Variants in RAB8A observed in about 807,000 individuals in gnomAD.
The protein encoded by RAB8A is ras-related protein Rab-8A.
RAB8A carries 5 observed loss-of-function variants against 29.2 expected under a neutral mutation model. That is an observed-to-expected ratio of 0.17 (90% CI 0.09 to 0.36). The LOEUF is 0.36. Ranked by LOEUF, RAB8A falls within the 10% of genes least tolerant of loss-of-function variation. RAB8A has a pLI of 1.00. For synonymous variants in RAB8A, 108 were observed against 99.9 expected (o/e 1.08, Z -0.49); for missense variants, 171 against 272.2 (o/e 0.63, Z 2.62).
At position 16,132,601 on chromosome 19, in the gene RAB8A, G is replaced by A. The variant is rs991396358; in HGVS notation, c.*297G>A. 2 of 385,664 alleles carry A rather than the reference G, an allele frequency of 5.2e-6. No individual in the cohort carries two copies. The highest frequency in any genetic ancestry group is 2.1e-5 in the African/African-American group (1 of 47,616). 23.9% of individuals were successfully genotyped at this position (385,664 alleles called of 1,614,324 possible). A position where few individuals can be genotyped will look rare whatever the true frequency, so the allele number is the denominator to read the frequency against. On this transcript the variant is annotated 3_prime_UTR_variant, in exon 8 of 8. Coordinates refer to ENST00000300935, the MANE Select transcript of RAB8A (RefSeq NM_005370.5). This position sits in a 1 kb window ranked among gnomAD's most constrained non-coding sequence, Gnocchi z 5.6. The stretch of plus-strand genomic sequence containing the variant: ...GAGAGGGAGTCAAGGTGTGACCGTC[G>A]ACCACAGCCAGTGTCAGGCCTCTGC...
At position 16,121,796 on chromosome 19, in the gene RAB8A, T is replaced by G; in HGVS notation, c.232T>G (p.Tyr78Asp). The G allele has an allele frequency of 1.2e-6, 2 of 1,614,026 alleles. No homozygotes were observed. Among genetic ancestry groups the G allele is most frequent in the Non-Finnish European group, 8.5e-7 (1 of 1,179,866 alleles). ...ERFRTITTAY[Y>D]RGAMGIMLVY... ...GTTTCGGACGATCACAACGGCCTAC[T>G]ACAGGGGTGCAATGGTAGGGACTTT... Residue 78 changes from tyrosine to aspartate, a missense_variant, in exon 3 of 8, where the codon TAC becomes GAC. Physicochemically the swap from Tyr to Asp is radical, Grantham distance 160 (BLOSUM62 -3). Coordinates refer to ENST00000300935, the MANE Select transcript of RAB8A (RefSeq NM_005370.5).
chr19:16,129,397 C>T (rs753738262), intron 6 of RAB8A, among the ~76,000 whole-genome samples, 157 bp from the exon 7 acceptor site: 2 of 152,152 alleles, frequency 1.3e-5, no homozygotes, highest in Admixed American at 6.5e-5. Flanking sequence ...GAGCTGGGGC[C>T]GGACAGGCCA....
rs372528901 is a variant in RAB8A, at chr19:16,132,724, C to T, written c.*420C>T. The T allele has an allele frequency of 1.6e-3, 279 of 172,198 alleles. No homozygotes were observed. Among genetic ancestry groups the T allele is most frequent in the African/African-American group, 6.0e-3 (251 of 41,832 alleles). The allele number at this position is 172,198 out of a possible 1,614,324, so 10.7% of individuals were successfully genotyped here. ...CGGAAGCGAGGTCCCAGAAGGCCAG[C>T]GGTGGTTCCAGGAGCAACAGCTCCC... On this transcript the variant is annotated 3_prime_UTR_variant, in exon 8 of 8. Transcript: ENST00000300935. The surrounding 1 kb of genome is among the most constrained non-coding windows in gnomAD (Gnocchi z 5.6).
chr19:16,116,459 T>G (rs1231356162), intron 1 of RAB8A, among the ~76,000 whole-genome samples: 1 of 152,212 alleles, frequency 6.6e-6, no homozygotes, highest in African/African-American at 2.4e-5. Context: ...ATTCAGTGGC[T>G]TTGGGTACAT....
intron 6 of RAB8A, 73 bp downstream of exon 6, chr19:16,128,164 G>T: frequency 6.6e-7 from 1 of 1,512,338 alleles, no homozygotes; most frequent in Admixed American, 1.8e-5. Context: ...GGGAGCTGGC[G>T]TCCTCCGAGG....
At chr19:16,130,663 AT>A (rs199515060) in intron 7 of RAB8A, among the ~76,000 whole-genome samples, 12 of 149,240 alleles carry the variant, frequency 8.0e-5, no homozygotes, top group South Asian at 2.1e-4. Flanking sequence ...TAAAAAAGAG[AT>A]TTTTTTTTTA....
rs1047326314 is a variant in RAB8A, at chr19:16,129,434, T to A, written c.481-120T>A. On this transcript the variant is annotated intron_variant, in intron 6 of 7. Transcript: ENST00000300935. Reference sequence around the variant, plus strand: ...ATGAACCCACTGCCAGAGGCGGGCATCAAAGGGCCAAATGGGAGGCCCACG... The same window carrying A: ...ATGAACCCACTGCCAGAGGCGGGCAACAAAGGGCCAAATGGGAGGCCCACG... The A allele has an allele frequency of 2.3e-5, 21 of 931,026 alleles. No homozygotes were observed. In the African/African-American group the frequency reaches 3.4e-4, roughly 15 times the overall value. 57.7% of individuals were successfully genotyped at this position (931,026 alleles called of 1,614,324 possible).
At chr19:16,119,807 T>C (rs912832609) in intron 2 of RAB8A, among the ~76,000 whole-genome samples, 3 of 152,148 alleles carry the variant, frequency 2.0e-5, no homozygotes, top group Non-Finnish European at 4.4e-5. Context: ...TGACTGGTTT[T>C]TTTTTTTGTT....
intron 2 of RAB8A, among the ~76,000 whole-genome samples, chr19:16,119,416 G>T (rs746104495): frequency 6.6e-6 from 1 of 152,046 alleles, no homozygotes; most frequent in Non-Finnish European, 1.5e-5. Context: ...TGTTGGTCAG[G>T]CTGGTCTCCA....
intron 1 of RAB8A, chr19:16,112,435 A>G (rs1402161159): frequency 4.9e-6 from 1 of 202,238 alleles, no homozygotes; most frequent in African/African-American, 2.4e-5. Flanking sequence ...CTTAATGAGC[A>G]TTTACTATGT....
At chr19:16,112,984 C>T (rs2090830957) in intron 1 of RAB8A, among the ~76,000 whole-genome samples, 1 of 152,206 alleles carries the variant, frequency 6.6e-6, no homozygotes, top group Admixed American at 6.5e-5. Flanking sequence ...CACAGACAGC[C>T]TTGACTTCCC....
chr19:16,132,271 G>A lies in RAB8A; in HGVS notation c.591G>A (p.Lys197=). 1.2e-6 allele frequency: 2 copies of A among 1,614,100 alleles called. No homozygotes were observed. Residue 197 remains lysine, a synonymous_variant, in exon 8 of 8, where the codon AAG becomes AAA. Coordinates refer to ENST00000300935, the MANE Select transcript of RAB8A (RefSeq NM_005370.5). The surrounding 1 kb of genome is among the most constrained non-coding windows in gnomAD (Gnocchi z 5.6). The stretch of plus-strand genomic sequence containing the variant: ...TCAAAATCACACCGGACCAGCAGAA[G>A]AGGAGCAGCTTTTTCCGATGTGTTC... ...QGVKITPDQQ[K]RSSFFRCVLL
intron 3 of RAB8A, among the ~76,000 whole-genome samples, chr19:16,123,475 C>T (rs1312821660): frequency 8.5e-5 from 13 of 152,100 alleles, no homozygotes; most frequent in African/African-American, 2.9e-4. Context: ...GGCGTGGTGG[C>T]GGATGCCTGT....
At position 16,127,788 on chromosome 19, in the gene RAB8A, G is replaced by A; in HGVS notation, c.415-238G>A. ...GGAACAGAGCCATAGTTTGATCCCA[G>A]CAGGTCCCCGCCACCCTCCCATCTC... On this transcript the variant is annotated intron_variant, in intron 5 of 7. Coordinates refer to ENST00000300935, the MANE Select transcript of RAB8A (RefSeq NM_005370.5). The surrounding 1 kb of genome is among the most constrained non-coding windows in gnomAD (Gnocchi z 4.8). 1.6e-6 allele frequency: 1 copy of A among 623,444 alleles called. No homozygotes were observed. The allele number at this position is 623,444 out of a possible 1,614,324, so 38.6% of individuals were successfully genotyped here. A position where few individuals can be genotyped will look rare whatever the true frequency, so the allele number is the denominator to read the frequency against.
At chr19:16,121,442 C>A (rs1053759477) in intron 2 of RAB8A, among the ~76,000 whole-genome samples, 1 of 152,160 alleles carries the variant, frequency 6.6e-6, no homozygotes, top group East Asian at 1.9e-4. Context: ...TGTTCCTGAG[C>A]CACATGACTG....
chr19:16,127,375 T>C lies in RAB8A; in HGVS notation c.325-62T>C. ...TGATTTCTGGGGACAGACTGTGTGT[T>C]GGCAGAGGCACCTGGCCTGTGTCAT... On this transcript the variant is annotated intron_variant, in intron 4 of 7. Transcript: ENST00000300935. This position sits in a 1 kb window ranked among gnomAD's most constrained non-coding sequence, Gnocchi z 4.8. The C allele has an allele frequency of 8.9e-7, 1 of 1,123,338 alleles. No homozygotes were observed. Among genetic ancestry groups the C allele is most frequent in the Non-Finnish European group, 1.2e-6 (1 of 830,316 alleles). 69.6% of individuals were successfully genotyped at this position (1,123,338 alleles called of 1,614,324 possible).
chr19:16,127,706 GCATCT>G lies in RAB8A; in HGVS notation c.414+185_414+189del. 1.6e-6 allele frequency: 1 copy of G among 608,728 alleles called. No individual in the cohort carries two copies. The highest frequency in any genetic ancestry group is 2.8e-5 in the East Asian group (1 of 36,194). 37.7% of individuals were successfully genotyped at this position (608,728 alleles called of 1,614,324 possible). ...GGGGCTTCTTGGGTGCACTCTGCGGGCATCTCATCAAAACCTACCATGGCCCCGCT... is the reference window on the plus strand; with the variant it reads ...GGGGCTTCTTGGGTGCACTCTGCGGGCATCAAAACCTACCATGGCCCCGCT... On this transcript the variant is annotated intron_variant, in intron 5 of 7. Coordinates refer to ENST00000300935, the MANE Select transcript of RAB8A (RefSeq NM_005370.5). This position sits in a 1 kb window ranked among gnomAD's most constrained non-coding sequence, Gnocchi z 4.8.
In RAB8A at chr19:16,133,760, A is replaced by C. The variant is rs1348438546; in HGVS notation, c.*1456A>C. ...GAGCGGCCACCTCAGAGGAGATGCC[A>C]CCCATCATCAAAAGACTAAATTGGG... On this transcript the variant is annotated 3_prime_UTR_variant, in exon 8 of 8. Transcript: ENST00000300935. 2 of 152,350 alleles carry C rather than the reference A, an allele frequency of 1.3e-5. No homozygotes were observed. Among genetic ancestry groups the C allele is most frequent in the East Asian group, 3.8e-4 (2 of 5,208 alleles). 9.4% of individuals were successfully genotyped at this position (152,350 alleles called of 1,614,324 possible).
At chr19:16,119,180 C>T (rs930112652) in intron 2 of RAB8A, among the ~76,000 whole-genome samples, 1 of 152,138 alleles carries the variant, frequency 6.6e-6, no homozygotes, top group Non-Finnish European at 1.5e-5. Flanking sequence ...CTACCCTTGA[C>T]TCCAGGTGCT....
Sources: allele counts gnomAD v4.1 joint callset (sites outside exome capture counted in the v4.1 genomes callset), GRCh38; gene constraint gnomAD v4.1.1; non-coding constraint Gnocchi (gnomAD v3.1); transcripts MANE v1.5; gene names NCBI Gene and HGNC (gene_info 2026-07-23, HGNC 2026-07-21).